Variants in COL12A1 observed in about 807,000 individuals in gnomAD.
COL12A1 encodes collagen alpha-1(XII) chain.
Under a neutral mutation model 349.7 loss-of-function variants are expected in COL12A1, and 114 were observed. The ratio of observed to expected loss-of-function variants is 0.33; its 90% CI spans 0.28 to 0.38. The LOEUF is 0.38. Ranked by LOEUF, COL12A1 falls within the 10% of genes least tolerant of loss-of-function variation. The pLI, the probability that COL12A1 is intolerant of heterozygous loss-of-function variation, is 1.00. For synonymous variants in COL12A1, 1,369 were observed against 1,329.0 expected, an observed-to-expected ratio of 1.03 and a Z score of -0.66; for missense variants, 3,284 against 3,756.9, an observed-to-expected ratio of 0.87 and a Z score of 3.29.
chr6:75,182,929 A>G, intron 10 of COL12A1, 121 bp downstream of exon 10: 1 of 1,221,896 alleles, frequency 8.2e-7, no homozygotes, highest in Non-Finnish European at 1.1e-6. Flanking sequence ...GTTTTCAATA[A>G]CATAGGAAAG....
intron 13 of COL12A1, among the ~76,000 whole-genome samples, chr6:75,166,365 C>A (rs1350295988): frequency 6.6e-6 from 1 of 152,100 alleles, no homozygotes; most frequent in African/African-American, 2.4e-5. Context: ...TATAGCTTAA[C>A]CCTAACAAAA....
In COL12A1 at chr6:75,126,333, A is replaced by T. The variant is rs1197220674; in HGVS notation, c.6460+18T>A. The T allele has an allele frequency of 6.2e-7, 1 of 1,602,340 alleles. No homozygotes were observed. The highest frequency in any genetic ancestry group is 1.7e-5 in the Admixed American group (1 of 59,582). On this transcript the variant is annotated intron_variant, in intron 39 of 65. Coordinates refer to ENST00000322507, the MANE Select transcript of COL12A1 (RefSeq NM_004370.6). The stretch of plus-strand genomic sequence containing the variant: ...AACCCTCCAAAGCATTTCTATGATG[A>T]CAAAGGCACTTCCTTACCCACTGGC...
intron 37 of COL12A1, among the ~76,000 whole-genome samples, chr6:75,129,181 G>A (rs9343272): frequency 0.022 from 3,418 of 152,254 alleles, 116 homozygotes; most frequent in East Asian, 0.18. Context: ...CTCTGCTTTG[G>A]CAAACTAACT....
chr6:75,178,324 C>T (rs1005833775), intron 11 of COL12A1, among the ~76,000 whole-genome samples: 2 of 152,168 alleles, frequency 1.3e-5, no homozygotes, highest in East Asian at 1.9e-4. Flanking sequence ...CATTTTCTCA[C>T]GAAACTAGGA....
intron 27 of COL12A1, 150 bp downstream of exon 27, chr6:75,141,881 CA>C (rs1766908253): frequency 7.4e-6 from 7 of 949,114 alleles, no homozygotes; most frequent in African/African-American, 1.7e-5. Flanking sequence ...CACCTTGTTA[CA>C]AAAAAATAAG....
At chr6:75,197,672 C>T (rs1770304924) in intron 2 of COL12A1, among the ~76,000 whole-genome samples, 1 of 152,028 alleles carries the variant, frequency 6.6e-6, no homozygotes, top group Non-Finnish European at 1.5e-5. Context: ...GCCATAGTTG[C>T]ATAGGATGAG....
chr6:75,110,667 CA>C (rs1298603612), intron 51 of COL12A1, among the ~76,000 whole-genome samples: 1 of 151,794 alleles, frequency 6.6e-6, no homozygotes, highest in Non-Finnish European at 1.5e-5. Flanking sequence ...AAGGGAGACA[CA>C]AAAAAAGCTT....
intron 17 of COL12A1, among the ~76,000 whole-genome samples, chr6:75,153,115 ATAT>A (rs200061299): frequency 0.013 from 1,920 of 152,292 alleles, 35 homozygotes; most frequent in African/African-American, 0.043. Context: ...AAACCCTGAT[ATAT>A]TATTATCTAG....
chr6:75,142,114 G>T lies in COL12A1; in HGVS notation c.4875C>A (p.Phe1625Leu). Residue 1625 changes from phenylalanine (F) to leucine (L), a missense_variant, in exon 27 of 66, where the codon TTC becomes TTA. Physicochemically the swap from Phe to Leu is conservative, Grantham distance 22. Around this residue, in one of 2 missense-constraint regions of COL12A1, gnomAD observed 2,601 missense variants for 2,824.8 expected, o/e 0.92. Transcript: ENST00000322507. The stretch of plus-strand genomic sequence containing the variant: ...CGCTGACTGTGTACAAGGTCTGTGA[G>T]AAGAGGTCTTTGAGGGAAGTGCTGG... ...SETSTSLKDL[F>L]SQTLYTVSVS... The T allele has an allele frequency of 1.2e-6, 2 of 1,614,170 alleles. No individual in the cohort carries two copies. The highest frequency in any genetic ancestry group is 1.7e-6 in the Non-Finnish European group (2 of 1,180,002).
At chr6:75,176,162 A>T (rs1214756898) in intron 12 of COL12A1, among the ~76,000 whole-genome samples, 5 of 152,334 alleles carry the variant, frequency 3.3e-5, no homozygotes, top group African/African-American at 1.2e-4. Context: ...TCCATAGCAG[A>T]ACAGGCTAAT....
intron 14 of COL12A1, among the ~76,000 whole-genome samples, chr6:75,165,256 C>G (rs1768230392): frequency 6.6e-6 from 1 of 150,870 alleles, no homozygotes; most frequent in South Asian, 2.1e-4. Context: ...TCTATCTAGT[C>G]AATCATTGCA....
Position 75,124,458 on chromosome 6 carries a change from C to T in COL12A1, c.6608-87G>A, listed in dbSNP as rs562575333. ...TCATAACACAATTTTCAAACTTTCA[C>T]TGTGGCTAAAAAAAAGTTCAAAATT... On this transcript the variant is annotated intron_variant, in intron 40 of 65. Coordinates refer to ENST00000322507, the MANE Select transcript of COL12A1 (RefSeq NM_004370.6). 7.2e-6 allele frequency: 7 copies of T among 974,724 alleles called. No individual in the cohort carries two copies. In the East Asian group the frequency reaches 1.9e-4, roughly 27 times the overall value. 60.4% of individuals were successfully genotyped at this position (974,724 alleles called of 1,614,324 possible).
rs1412709 is a variant in COL12A1 at position 75,130,404 on chromosome 6, G to A, written c.6068-171C>T. On this transcript the variant is annotated intron_variant, in intron 36 of 65. Transcript: ENST00000322507. ...GTGAAATCATAAACAGTGTATTTCA[G>A]AGCTATGGTTACATGCTGAACTTTC... 0.81 allele frequency among the ~76,000 whole-genome samples: 122,845 copies of A among 152,126 alleles called. 50,078 individuals carry two copies. The highest frequency in any genetic ancestry group is 0.88 in the Middle Eastern group (256 of 292).
chr6:75,087,654 C>G lies in COL12A1; in HGVS notation c.9104G>C (p.Arg3035Pro). ...GTATCCAGGAGGACCTGGGGGTCCT[C>G]GGATACCTGAGTTTCCAGGACGGCC... ...PPGRPGNSGI[R>P]GPPGPPGYCD... The change falls in exon 65 of 66, where the codon CGA (arginine) becomes CCA (proline). Residue 3035 changes from arginine to proline, a missense_variant. Arg to Pro is a moderately radical substitution (Grantham distance 103). Around this residue, in one of 2 missense-constraint regions of COL12A1, gnomAD observed 683 missense variants for 932.1 expected, o/e 0.73. Coordinates refer to ENST00000322507, the MANE Select transcript of COL12A1 (RefSeq NM_004370.6). 7 of 1,611,304 alleles carry G rather than the reference C, an allele frequency of 4.3e-6. No homozygotes were observed. The highest frequency in any genetic ancestry group is 5.9e-6 in the Non-Finnish European group (7 of 1,179,078).
chr6:75,168,458 C>T (rs1392739949), intron 13 of COL12A1, among the ~76,000 whole-genome samples: 2 of 152,172 alleles, frequency 1.3e-5, no homozygotes, highest in African/African-American at 4.8e-5. Flanking sequence ...GTCTTGGGGC[C>T]AGGTATGCAA....
At position 75,189,591 on chromosome 6, in the gene COL12A1, T is replaced by C. The variant is rs1157770594; in HGVS notation, c.619A>G (p.Ile207Val). 1.9e-6 allele frequency: 3 copies of C among 1,613,068 alleles called. No homozygotes were observed. Among genetic ancestry groups the C allele is most frequent in the Non-Finnish European group, 2.5e-6 (3 of 1,179,468 alleles). Reference protein sequence around the residue: ...YYQRDELLAAIKKIPYKGGNT... With the variant: ...YYQRDELLAAVKKIPYKGGNT... ...CCACCTTTATATGGAATTTTTTTTA[T>C]TGCAGCAAGAAGTTCATCCCTTTGG... The change falls in exon 6 of 66, where the codon ATA (isoleucine) becomes GTA (valine). Residue 207 changes from isoleucine to valine, a missense_variant. Physicochemically the swap from Ile to Val is conservative, Grantham distance 29. Coordinates refer to ENST00000322507, the MANE Select transcript of COL12A1 (RefSeq NM_004370.6).
At chr6:75,151,073 CAA>C in intron 21 of COL12A1, 66 bp downstream of exon 21, 7 of 714,226 alleles carry the variant, frequency 9.8e-6, no homozygotes, top group Non-Finnish European at 1.0e-5. Flanking sequence ...CCCCCCCACC[CAA>C]AAGAATAATT....
intron 40 of COL12A1, 33 bp downstream of exon 40, chr6:75,125,094 T>C (rs377547942): frequency 1.2e-4 from 193 of 1,550,702 alleles, no homozygotes; most frequent in Non-Finnish European, 1.6e-4. Flanking sequence ...TACTACAGTT[T>C]TTCTCACAAC....
chr6:75,090,010 C>CA lies in COL12A1; in HGVS notation c.8941+99dup, dbSNP rs1242831682. 7.8e-7 allele frequency: 1 copy of CA among 1,277,274 alleles called. No homozygotes were observed. Among genetic ancestry groups the CA allele is most frequent in the South Asian group, 1.3e-5 (1 of 74,904 alleles). The allele number at this position is 1,277,274 out of a possible 1,614,324, so 79.1% of individuals were successfully genotyped here. On this transcript the variant is annotated intron_variant, in intron 63 of 65. Coordinates refer to ENST00000322507, the MANE Select transcript of COL12A1 (RefSeq NM_004370.6). This position sits in a 1 kb window ranked among gnomAD's most constrained non-coding sequence, Gnocchi z 4.1. ...GCTGTCCAAACAAGACCAGGGAAAG[C>CA]AGTTTGCCTAGGTCACCTTTCAGAT...
Sources: allele counts gnomAD v4.1 joint callset (sites outside exome capture counted in the v4.1 genomes callset), GRCh38; gene constraint gnomAD v4.1.1; regional missense constraint gnomAD v4.1.1; non-coding constraint Gnocchi (gnomAD v3.1); transcripts MANE v1.5; gene names NCBI Gene and HGNC (gene_info 2026-07-23, HGNC 2026-07-21).